The following POR variants were observed in gnomAD, a reference collection of about 807,000 sequenced individuals.
The protein encoded by POR is NADPH--cytochrome P450 reductase.
POR carries 56 observed loss-of-function variants against 84.0 expected under a neutral mutation model. The ratio of observed to expected loss-of-function variants is 0.67; its 90% CI spans 0.54 to 0.83. The LOEUF is 0.83. POR is among the 40% of genes least tolerant of loss of function. The pLI is 0.00. For missense variants in POR, 938 were observed against 944.3 expected, an observed-to-expected ratio of 0.99 and a Z score of 0.09; for synonymous variants, 414 against 400.5, an observed-to-expected ratio of 1.03 and a Z score of -0.40.
At chr7:75,983,966 G>A in intron 10 of POR, 110 bp downstream of exon 10, 2 of 849,496 alleles carry the variant, frequency 2.4e-6, no homozygotes, top group Non-Finnish European at 3.5e-6. Context: ...CGGTGCCTGG[G>A]AGGCCCTTGC....
intron 12 of POR, 120 bp downstream of exon 12, chr7:75,985,327 C>A: frequency 7.5e-7 from 1 of 1,325,422 alleles, no homozygotes; most frequent in Non-Finnish European, 1.0e-6. Context: ...GTTCCAGCCC[C>A]AGCGCAGCTC....
At chr7:75,974,673 C>A (rs574729061) in intron 3 of POR, among the ~76,000 whole-genome samples, 2 of 151,782 alleles carry the variant, frequency 1.3e-5, no homozygotes, top group South Asian at 4.1e-4. Context: ...ATTACAGGTG[C>A]GTGCTACCAT....
intron 1 of POR, among the ~76,000 whole-genome samples, chr7:75,942,988 G>GAC (rs1787004377): frequency 6.8e-6 from 1 of 147,588 alleles, no homozygotes. Flanking sequence ...GTCTTGCTCT[G>GAC]TCACCCAGGC....
chr7:75,984,248 C>T (rs1263260007), intron 10 of POR, among the ~76,000 whole-genome samples: 2 of 152,180 alleles, frequency 1.3e-5, no homozygotes, highest in South Asian at 2.1e-4. Context: ...CCCTCCCAGG[C>T]CCCCAAGGGT....
intron 1 of POR, among the ~76,000 whole-genome samples, chr7:75,917,455 C>T (rs1345244048): frequency 2.7e-5 from 4 of 150,406 alleles, no homozygotes; most frequent in African/African-American, 9.8e-5. Flanking sequence ...AGAGGCTGGC[C>T]GCCCCTACAA....
intron 1 of POR, among the ~76,000 whole-genome samples, chr7:75,928,201 C>T (rs1350402507): frequency 6.6e-6 from 1 of 152,072 alleles, no homozygotes; most frequent in Non-Finnish European, 1.5e-5. Flanking sequence ...GAACTCCTGA[C>T]CTTGTGATCC....
At chr7:75,967,942 C>T (rs1289648407) in intron 2 of POR, 19 of 420,912 alleles carry the variant, frequency 4.5e-5, no homozygotes, top group South Asian at 2.1e-4. Flanking sequence ...TTTGAGGCCA[C>T]GGGCCCAGGC....
rs554457134 is a variant in POR at position 75,981,399 on chromosome 7, C to T, written c.642-118C>T. ...CTCTGGGTTTATGTCGCTGGGTGCC[C>T]CAGGGTGCACAGTCCTGAGCTTTGG... is the stretch of plus-strand genomic sequence containing the variant. On this transcript the variant is annotated intron_variant, in intron 6 of 15. Transcript: ENST00000461988. 44 of 1,239,094 alleles carry T rather than the reference C, an allele frequency of 3.6e-5. No homozygotes were observed. In the East Asian group the frequency reaches 1.0e-3, roughly 28 times the overall value. The allele number at this position is 1,239,094 out of a possible 1,614,324, so 76.8% of individuals were successfully genotyped here.
intron 2 of POR, among the ~76,000 whole-genome samples, chr7:75,971,243 G>A (rs1175590305): frequency 6.6e-6 from 1 of 152,054 alleles, no homozygotes; most frequent in Non-Finnish European, 1.5e-5. Flanking sequence ...TTACGTGCAT[G>A]AGCCACTATG....
chr7:75,978,398 C>T (rs1788795306), intron 3 of POR, among the ~76,000 whole-genome samples: 2 of 152,170 alleles, frequency 1.3e-5, no homozygotes, highest in African/African-American at 4.8e-5. Context: ...AGAGAATTTA[C>T]ATTACATTAA....
At chr7:75,981,829 G>GCAT in intron 7 of POR, 1 of 586,412 alleles carries the variant, frequency 1.7e-6, no homozygotes, top group South Asian at 2.2e-5. Context: ...AGGACACATC[G>GCAT]CGTCGGGCTC....
intron 2 of POR, among the ~76,000 whole-genome samples, chr7:75,964,005 CT>C (rs59047174): frequency 0.4 from 57,709 of 145,214 alleles, 11,935 homozygotes; most frequent in African/African-American, 0.55. Flanking sequence ...TTCTTTCTTT[CT>C]TTTTTTTTTT....
intron 1 of POR, chr7:75,923,268 A>C (rs1466798540): frequency 8.1e-7 from 1 of 1,229,914 alleles, no homozygotes; most frequent in African/African-American, 1.5e-5. Context: ...GGAAGACCTC[A>C]TTCATGAAAT....
chr7:75,983,810 C>T lies in POR; in HGVS notation c.1020C>T (p.Ile340=), dbSNP rs782647655. The T allele has an allele frequency of 6.2e-7, 1 of 1,612,140 alleles. No individual in the cohort carries two copies. Among genetic ancestry groups the T allele is most frequent in the African/African-American group, 1.3e-5 (1 of 74,940 alleles). The change falls in exon 10 of 16, where the codon ATC becomes ATT. Residue 340 remains isoleucine (I), a synonymous_variant. Coordinates refer to ENST00000461988, the MANE Select transcript of POR (RefSeq NM_000941.3). ...CTCTCGTCAACCAGCTGGGCAAAAT[C>T]CTGGGTGCCGACCTGGACGTCGTCA...
intron 7 of POR, 192 bp from the exon 8 acceptor site, chr7:75,982,032 C>A: frequency 1.7e-6 from 1 of 602,976 alleles, no homozygotes; most frequent in South Asian, 1.9e-5. Flanking sequence ...CCGGCAGCTC[C>A]ACGCCGCCTC....
Position 75,981,141 on chromosome 7 carries a change from T to G in POR, c.610T>G (p.Phe204Val), listed in dbSNP as rs1554557764. 1 of 1,554,834 alleles carries G rather than the reference T, an allele frequency of 6.4e-7. No homozygotes were observed. Among genetic ancestry groups the G allele is most frequent in the Admixed American group, 1.9e-5 (1 of 51,696 alleles). Residue 204 changes from phenylalanine to valine, a missense_variant, in exon 6 of 16, where the codon TTT becomes GTT. Coordinates refer to ENST00000461988, the MANE Select transcript of POR (RefSeq NM_000941.3). ...GGAGCAGCTCGGCGCCCAGCGCATC[T>G]TTGAGCTGGGGTTGGGCGACGACGA...
intron 13 of POR, 21 bp from the exon 14 acceptor site, chr7:75,985,902 A>C: frequency 6.4e-7 from 1 of 1,563,474 alleles, no homozygotes; most frequent in Non-Finnish European, 8.7e-7. Flanking sequence ...CCCCGCGCTC[A>C]CCCCGGCCCC....
rs782643019 is a variant in POR at position 75,985,643 on chromosome 7, TCAA to T, written c.1467_1469del (p.Asn489del). On this transcript the variant is annotated inframe_deletion, in exon 13 of 16. Transcript: ENST00000461988. ...GAGTACGAGACCAAGGCTGGCCGCA[TCAA>T]CAAGGGCGTGGCCACCAACTGGCTG... 1.9e-6 allele frequency: 3 copies of T among 1,594,520 alleles called. No homozygotes were observed. The highest frequency in any genetic ancestry group is 2.6e-6 in the Non-Finnish European group (3 of 1,171,234).
At chr7:75,916,408 G>A (rs1554548071) in intron 1 of POR, among the ~76,000 whole-genome samples, 1 of 152,130 alleles carries the variant, frequency 6.6e-6, no homozygotes, top group Non-Finnish European at 1.5e-5. Context: ...GTGGTTATGG[G>A]GTTGGCTTGG....
Sources: allele counts gnomAD v4.1 joint callset (sites outside exome capture counted in the v4.1 genomes callset), GRCh38; gene constraint gnomAD v4.1.1; transcripts MANE v1.5; gene names NCBI Gene and HGNC (gene_info 2026-07-23, HGNC 2026-07-21).